The following SYT1 variants were observed in gnomAD, a reference collection of about 807,000 sequenced individuals.
The protein encoded by SYT1 is synaptotagmin-1.
Under a neutral mutation model 44.8 loss-of-function variants are expected in SYT1, and 8 were observed. The ratio of observed to expected loss-of-function variants is 0.18; its 90% CI spans 0.10 to 0.32. SYT1 has a LOEUF of 0.32. Ranked by LOEUF, SYT1 falls within the 10% of genes least tolerant of loss-of-function variation. The probability of loss-of-function intolerance (pLI) is 1.00; values close to 1 mark genes in which losing one functional copy is unlikely to be tolerated. For missense variants in SYT1, 286 were observed against 509.3 expected (o/e 0.56, Z 4.22); for synonymous variants, 154 against 188.8 (o/e 0.82, Z 1.51).
intron 3 of SYT1, among the ~76,000 whole-genome samples, chr12:79,091,813 C>T (rs1486555780): frequency 6.6e-6 from 1 of 151,864 alleles, no homozygotes; most frequent in African/African-American, 2.4e-5. Flanking sequence ...TTTTCTCTCT[C>T]GAGTTCCCCC....
chr12:78,934,251 A>T (rs983453699), intron 1 of SYT1, among the ~76,000 whole-genome samples: 1 of 151,886 alleles, frequency 6.6e-6, no homozygotes, highest in African/African-American at 2.4e-5. Context: ...AATAACCGTC[A>T]TGTGTCAAGG....
At chr12:79,127,619 T>C (rs1868520658) in intron 3 of SYT1, among the ~76,000 whole-genome samples, 1 of 151,952 alleles carries the variant, frequency 6.6e-6, no homozygotes, top group South Asian at 2.1e-4. Context: ...CTGAGCAGAA[T>C]AGTGAACATG....
intron 2 of SYT1, among the ~76,000 whole-genome samples, chr12:78,989,469 A>C (rs1348638359): frequency 6.6e-6 from 1 of 152,102 alleles, no homozygotes; most frequent in Non-Finnish European, 1.5e-5. Flanking sequence ...TGGGAGTCTC[A>C]GGGCCTAGCC....
intron 1 of SYT1, among the ~76,000 whole-genome samples, chr12:78,931,431 G>GGAAA (rs1555182028): frequency 2.3e-5 from 3 of 130,714 alleles, no homozygotes; most frequent in East Asian, 3.0e-4. Flanking sequence ...AAGGAAGGAA[G>GGAAA]GAAAAGAAAG....
At chr12:79,085,864 A>G (rs976933807) in intron 3 of SYT1, among the ~76,000 whole-genome samples, 6 of 152,154 alleles carry the variant, frequency 3.9e-5, no homozygotes, top group African/African-American at 7.2e-5. Flanking sequence ...CCTCAGAGAC[A>G]TTTCAAGAAG....
chr12:78,994,995 T>C (rs745963301), intron 2 of SYT1, among the ~76,000 whole-genome samples: 1 of 152,020 alleles, frequency 6.6e-6, no homozygotes, highest in Non-Finnish European at 1.5e-5. Flanking sequence ...TGAGTAACAG[T>C]AGGGAAATTC....
At position 79,224,751 on chromosome 12, in the gene SYT1, TTTATTATTA is replaced by T. The variant is rs201728926; in HGVS notation, c.166+7103_166+7111del. 8.6e-3 allele frequency among the ~76,000 whole-genome samples: 206 copies of T among 24,022 alleles called. 2 individuals are homozygous for T. The highest frequency in any genetic ancestry group is 0.01 in the Non-Finnish European group (138 of 13,348). 15.8% of individuals were successfully genotyped at this position (24,022 alleles called of 152,430 possible). On this transcript the variant is annotated intron_variant, in intron 4 of 10. Transcript: ENST00000261205. ...TGTTTCATTTTTTATTTATTTATTT[TTTATTATTA>T]TTATTATTATTATTATTATTATTAT...
chr12:79,350,342 T>C (rs1882841007), intron 8 of SYT1, among the ~76,000 whole-genome samples: 4 of 140,324 alleles, frequency 2.9e-5, no homozygotes, highest in Admixed American at 1.6e-4. Flanking sequence ...AAGCTCCGCC[T>C]CCCGGGTTCA....
chr12:79,289,020 A>G (rs1461562078), intron 5 of SYT1, among the ~76,000 whole-genome samples: 1 of 152,194 alleles, frequency 6.6e-6, no homozygotes, highest in Non-Finnish European at 1.5e-5. Context: ...ATTAAATATA[A>G]CAGTATTAGA....
chr12:79,406,877 A>AT lies in SYT1; in HGVS notation c.929-37191dup, dbSNP rs1593040321. 2.0e-5 allele frequency among the ~76,000 whole-genome samples: 3 copies of AT among 152,090 alleles called. No individual in the cohort carries two copies. In the South Asian group the frequency reaches 6.2e-4, roughly 31 times the overall value. On this transcript the variant is annotated intron_variant, in intron 9 of 10. Transcript: ENST00000261205. The stretch of plus-strand genomic sequence containing the variant: ...TGTCAGCCCTCCCGGAATGTCTGCT[A>AT]TTTTTATTACTGCAGCCATTATTAT...
intron 2 of SYT1, chr12:79,036,416 C>T (rs1357932669): frequency 6.6e-6 from 1 of 151,820 alleles, no homozygotes; most frequent in Non-Finnish European, 1.5e-5. Flanking sequence ...TATTCAGCTC[C>T]TTTTCCTCTA....
At chr12:78,911,662 G>A (rs945645514) in intron 1 of SYT1, among the ~76,000 whole-genome samples, 3 of 151,954 alleles carry the variant, frequency 2.0e-5, no homozygotes, top group Admixed American at 6.6e-5. Context: ...AGCAAGGGCT[G>A]TTTCAATGCA....
chr12:79,324,881 T>C (rs528018726), intron 8 of SYT1, among the ~76,000 whole-genome samples: 1 of 152,350 alleles, frequency 6.6e-6, no homozygotes, highest in East Asian at 1.9e-4. Context: ...AATATCTTAT[T>C]AAAAGGTTTT....
In SYT1 at chr12:79,089,538, C is replaced by T. The variant is rs529349819; in HGVS notation, c.-18+42176C>T. Among the ~76,000 whole-genome samples the T allele has an allele frequency of 2.1e-4, 32 of 150,864 alleles. No homozygotes were observed. The Middle Eastern group carries it at 0.01, about 49-fold the overall frequency. ...AAAGAAAAAAAAAAAGGCTTGTGCC[C>T]AAACAAGGACACAAATTGAAATAAC... On this transcript the variant is annotated intron_variant, in intron 3 of 10. Transcript: ENST00000261205.
chr12:79,249,206 G>C (rs988713169), intron 4 of SYT1, among the ~76,000 whole-genome samples: 9 of 145,928 alleles, frequency 6.2e-5, no homozygotes, highest in African/African-American at 2.3e-4. Flanking sequence ...CCGGGTTCAC[G>C]CCATTCTCCT....
chr12:78,929,976 G>T (rs1877546018), intron 1 of SYT1, among the ~76,000 whole-genome samples: 1 of 151,988 alleles, frequency 6.6e-6, no homozygotes, highest in East Asian at 1.9e-4. Context: ...GGCTTTTTTA[G>T]ATTACACTAA....
chr12:79,106,787 G>A (rs1878743786), intron 3 of SYT1, among the ~76,000 whole-genome samples: 1 of 151,770 alleles, frequency 6.6e-6, no homozygotes, highest in Admixed American at 6.6e-5. Context: ...TAGTCTTATG[G>A]TGGCATTTAG....
At chr12:79,242,469 T>C (rs1011001743) in intron 4 of SYT1, among the ~76,000 whole-genome samples, 5 of 152,208 alleles carry the variant, frequency 3.3e-5, no homozygotes, top group Non-Finnish European at 7.4e-5. Context: ...ATTTATGCAC[T>C]GGGGCTTGAT....
At chr12:79,210,792 G>C (rs1197642648) in intron 3 of SYT1, among the ~76,000 whole-genome samples, 1 of 152,066 alleles carries the variant, frequency 6.6e-6, no homozygotes, top group Admixed American at 6.5e-5. Context: ...TCAAATTCTA[G>C]TTCTAACAAA....
Sources: gnomAD v4.1 joint callset for allele counts (sites outside exome capture counted in the v4.1 genomes callset) on GRCh38, gnomAD v4.1.1 for gene constraint, MANE v1.5 for transcripts, NCBI Gene and HGNC (gene_info 2026-07-23, HGNC 2026-07-21) for gene names.